RHBDL2: variants seen among roughly 807,000 people sequenced by gnomAD.
RHBDL2 encodes the protein rhomboid like 2.
In RHBDL2, 26 loss-of-function variants were observed where a neutral mutation model predicts 31.7. The observed-to-expected ratio is 0.82, with a 90% CI of 0.60 to 1.14. The LOEUF is 1.14. Ranked by LOEUF, RHBDL2 falls within the 50% of genes most tolerant of loss-of-function variation. The pLI is 0.00. For missense variants in RHBDL2, 336 were observed against 364.4 expected (o/e 0.92, Z 0.63); for synonymous variants, 123 against 127.2 (o/e 0.97, Z 0.22).
intron 4 of RHBDL2, among the ~76,000 whole-genome samples, chr1:38,905,253 C>T (rs1296026646): frequency 2.6e-5 from 4 of 151,194 alleles, no homozygotes; most frequent in Admixed American, 1.3e-4. Flanking sequence ...TTGGTAGAGA[C>T]AGAGTTTCAT....
chr1:38,909,734 T>A (rs9438990), intron 4 of RHBDL2, among the ~76,000 whole-genome samples: 54,639 of 151,528 alleles, frequency 0.36, 10,944 homozygotes, highest in Non-Finnish European at 0.45. Flanking sequence ...AGGGCAAGAC[T>A]CCATCTCAAA....
At chr1:38,919,478 G>A (rs1238563691) in intron 1 of RHBDL2, 141 bp from the exon 2 acceptor site, 5 of 619,644 alleles carry the variant, frequency 8.1e-6, no homozygotes, top group East Asian at 3.5e-5. Flanking sequence ...TGTATCAGCT[G>A]TAAGTTAACA....
At chr1:38,903,429 C>T (rs1260483623) in intron 4 of RHBDL2, among the ~76,000 whole-genome samples, 2 of 152,082 alleles carry the variant, frequency 1.3e-5, no homozygotes, top group African/African-American at 2.4e-5. Flanking sequence ...CATGAGCTAC[C>T]ACCCCCGGCC....
chr1:38,914,304 C>T (rs9438993), intron 3 of RHBDL2, among the ~76,000 whole-genome samples: 56,146 of 151,696 alleles, frequency 0.37, 11,587 homozygotes, highest in Non-Finnish European at 0.47. Context: ...TGCAGTGGCG[C>T]GATCTCGGCA....
chr1:38,905,190 G>A (rs1008953589), intron 4 of RHBDL2, among the ~76,000 whole-genome samples: 24 of 151,104 alleles, frequency 1.6e-4, no homozygotes, highest in Admixed American at 5.3e-4. Context: ...TCAGGAGTTC[G>A]AGACCAGCCT....
chr1:38,902,201 CTTTTTTTTTTT>C (rs770169792), intron 4 of RHBDL2, among the ~76,000 whole-genome samples: 1 of 92,820 alleles, frequency 1.1e-5, no homozygotes, highest in Non-Finnish European at 2.0e-5. Flanking sequence ...TTTTCTTTTT[CTTTTTTTTTTT>C]TTTTTTTTTT....
At chr1:38,915,801 T>A in intron 2 of RHBDL2, 91 bp from the exon 3 acceptor site, 1 of 1,257,378 alleles carries the variant, frequency 8.0e-7, no homozygotes, top group Non-Finnish European at 1.1e-6. Context: ...TTCAGATGAT[T>A]CAGCTCTCAA....
chr1:38,913,402 CT>C (rs1260453193), intron 3 of RHBDL2: 3 of 152,214 alleles, frequency 2.0e-5, no homozygotes, highest in Non-Finnish European at 4.4e-5. Context: ...TAAATGGAAA[CT>C]GAGCAGTTGG....
In RHBDL2 at chr1:38,886,526, A is replaced by G. The variant is rs755877246; in HGVS notation, c.890T>C (p.Ile297Thr). The G allele has an allele frequency of 6.3e-7, 1 of 1,588,832 alleles. No homozygotes were observed. The highest frequency in any genetic ancestry group is 8.6e-7 in the Non-Finnish European group (1 of 1,163,486). Residue 297 changes from isoleucine (I) to threonine (T), a missense_variant, in exon 8 of 8, where the codon ATT becomes ACT. Coordinates refer to ENST00000372990, the MANE Select transcript of RHBDL2 (RefSeq NM_017821.5). ...ACVLFAVFFNIFLSPAN is the reference protein window; with the variant it reads ...ACVLFAVFFNTFLSPAN ...AGGTCAGTTTGCTGGAGATAGGAAA[A>G]TGTTGAAAAACACAGCAAATAAGAC...
chr1:38,895,456 A>G (rs1344535640), intron 5 of RHBDL2, among the ~76,000 whole-genome samples: 2 of 152,204 alleles, frequency 1.3e-5, no homozygotes, highest in African/African-American at 4.8e-5. Context: ...CTACTTTTTT[A>G]TTTAAAATTT....
intron 1 of RHBDL2, 28 bp from the exon 2 acceptor site, chr1:38,919,365 A>G (rs1444984184): frequency 6.5e-7 from 1 of 1,530,708 alleles, no homozygotes; most frequent in Non-Finnish European, 8.7e-7. Context: ...ACAGCTGAAG[A>G]TGATCAAAAT....
chr1:38,904,632 AGT>A (rs1643037538), intron 4 of RHBDL2, among the ~76,000 whole-genome samples: 1 of 150,754 alleles, frequency 6.6e-6, no homozygotes, highest in African/African-American at 2.4e-5. Context: ...GTTTGAGACT[AGT>A]CTAGGTAATA....
At position 38,915,754 on chromosome 1, in the gene RHBDL2, G is replaced by A. The variant is rs778620540; in HGVS notation, c.247-44C>T. 6.2e-6 allele frequency: 10 copies of A among 1,609,778 alleles called. No homozygotes were observed. The South Asian group carries it at 1.1e-4, about 18-fold the overall frequency. Reference sequence around the variant, plus strand: ...ATGAGTATTAACCACACCTTCTCCAGAGAGGGGCCCCATCCAAGCCCGTGG... The same window carrying A: ...ATGAGTATTAACCACACCTTCTCCAAAGAGGGGCCCCATCCAAGCCCGTGG... On this transcript the variant is annotated intron_variant, in intron 2 of 7. Coordinates refer to ENST00000372990, the MANE Select transcript of RHBDL2 (RefSeq NM_017821.5).
At chr1:38,891,886 G>A (rs1035103970) in intron 6 of RHBDL2, among the ~76,000 whole-genome samples, 2 of 152,170 alleles carry the variant, frequency 1.3e-5, no homozygotes, top group African/African-American at 4.8e-5. Context: ...TTTCAGGTCT[G>A]ACCCCAGGGT....
intron 5 of RHBDL2, among the ~76,000 whole-genome samples, chr1:38,893,723 C>T (rs961067953): frequency 2.0e-5 from 3 of 149,460 alleles, no homozygotes; most frequent in African/African-American, 4.9e-5. Flanking sequence ...TTTGGGGGCG[C>T]TCTTGGGGGG....
At chr1:38,927,917 G>C (rs1315682792) in intron 1 of RHBDL2, among the ~76,000 whole-genome samples, 1 of 151,948 alleles carries the variant, frequency 6.6e-6, no homozygotes, top group Non-Finnish European at 1.5e-5. Context: ...AGCTAATAAG[G>C]GGAGGGCTGG....
At position 38,888,011 on chromosome 1, in the gene RHBDL2, C is replaced by T. The variant is rs755186225; in HGVS notation, c.684G>A (p.Met228Ile). ...LIIILIIVLD[M>I]GFALYRRFFV... Reference sequence around the variant, plus strand: ...AGAACCTTCTATAGAGAGCAAATCCCATGTCCAACACAACTAGAAGGAAAA... The same window carrying T: ...AGAACCTTCTATAGAGAGCAAATCCTATGTCCAACACAACTAGAAGGAAAA... Residue 228 changes from methionine to isoleucine, a missense_variant, in exon 7 of 8, where the codon ATG becomes ATA. Coordinates refer to ENST00000372990, the MANE Select transcript of RHBDL2 (RefSeq NM_017821.5). The T allele has an allele frequency of 6.2e-7, 1 of 1,612,438 alleles. No homozygotes were observed. Among genetic ancestry groups the T allele is most frequent in the African/African-American group, 1.3e-5 (1 of 74,858 alleles).
intron 4 of RHBDL2, among the ~76,000 whole-genome samples, chr1:38,902,404 A>AT (rs1054410443): frequency 8.3e-6 from 1 of 120,958 alleles, no homozygotes; most frequent in Non-Finnish European, 1.7e-5. Context: ...ATTTCATTTT[A>AT]TTTTTTTATT....
At chr1:38,896,693 G>A (rs1279959683) in intron 4 of RHBDL2, among the ~76,000 whole-genome samples, 1 of 151,974 alleles carries the variant, frequency 6.6e-6, no homozygotes, top group African/African-American at 2.4e-5. Flanking sequence ...CTCAACATAC[G>A]ATCCAATCAG....
Sources: gnomAD v4.1 joint callset for allele counts (sites outside exome capture counted in the v4.1 genomes callset) on GRCh38, gnomAD v4.1.1 for gene constraint, MANE v1.5 for transcripts, NCBI Gene and HGNC (gene_info 2026-07-23, HGNC 2026-07-21) for gene names.